PHF21A: variants seen among roughly 807,000 people sequenced by gnomAD.
PHF21A encodes the protein PHD finger protein 21A, also known as BHC80a.
Under a neutral mutation model 82.5 loss-of-function variants are expected in PHF21A, and 11 were observed. That is an observed-to-expected ratio of 0.13 (90% CI 0.08 to 0.22). The LOEUF is 0.22. PHF21A is among the 10% of genes least tolerant of loss of function. The pLI is 1.00. For missense variants in PHF21A, 579 were observed against 837.8 expected, an observed-to-expected ratio of 0.69 and a Z score of 3.81; for synonymous variants, 297 against 302.8, an observed-to-expected ratio of 0.98 and a Z score of 0.20.
chr11:46,099,523 GACACACACACAC>G (rs71038882), intron 1 of PHF21A, among the ~76,000 whole-genome samples: 36 of 137,674 alleles, frequency 2.6e-4, no homozygotes, highest in African/African-American at 8.2e-4. Flanking sequence ...AGAAAAATTA[GACACACACACAC>G]ACACACACAC....
chr11:46,062,769 TA>T (rs908563929), intron 6 of PHF21A, among the ~76,000 whole-genome samples: 1 of 152,200 alleles, frequency 6.6e-6, no homozygotes, highest in Non-Finnish European at 1.5e-5. Flanking sequence ...GGCAGTTTCT[TA>T]AAAAGTTAAA....
chr11:46,041,690 T>C (rs963200082), intron 6 of PHF21A, among the ~76,000 whole-genome samples: 1 of 152,184 alleles, frequency 6.6e-6, no homozygotes, highest in Non-Finnish European at 1.5e-5. Flanking sequence ...TTTTTAAGAC[T>C]TTTTATTTTG....
chr11:46,064,848 T>C (rs942876431), intron 6 of PHF21A, among the ~76,000 whole-genome samples: 2 of 152,366 alleles, frequency 1.3e-5, no homozygotes, highest in African/African-American at 4.8e-5. Flanking sequence ...GATTTACCCT[T>C]CTAATAATGT....
Position 45,971,882 on chromosome 11 carries a change from T to TTTTC in PHF21A, c.361-519_361-516dup, listed in dbSNP as rs796825731. Among the ~76,000 whole-genome samples, 13 of 72,262 alleles carry TTTTC rather than the reference T, an allele frequency of 1.8e-4. 4 individuals carry two copies. Among genetic ancestry groups the TTTTC allele is most frequent in the Admixed American group, 3.3e-4 (2 of 6,092 alleles). 47.4% of individuals were successfully genotyped at this position (72,262 alleles called of 152,430 possible). ...AGGCTGGGGTAAAAGGACAGTGTCTTTTTCTTTCTTTTTTTTTTTTTTTAT... is the reference window on the plus strand; with the variant it reads ...AGGCTGGGGTAAAAGGACAGTGTCTTTTTCTTTCTTTCTTTTTTTTTTTTTTTAT... On this transcript the variant is annotated intron_variant, in intron 7 of 18. Coordinates refer to ENST00000676320, the MANE Select transcript of PHF21A (RefSeq NM_001352027.3).
chr11:45,990,529 G>A (rs567259366), intron 6 of PHF21A, among the ~76,000 whole-genome samples: 2 of 151,960 alleles, frequency 1.3e-5, no homozygotes, highest in Admixed American at 1.3e-4. Flanking sequence ...CAAAGTGCTG[G>A]GATTACAGGT....
intron 9 of PHF21A, 107 bp downstream of exon 9, chr11:45,969,708 G>C (rs1353985241): frequency 1.4e-6 from 1 of 718,882 alleles, no homozygotes; most frequent in Admixed American, 2.4e-5. Context: ...TAGCTAAGCG[G>C]GATAGACAGC....
In PHF21A at chr11:45,953,543, C is replaced by T. The variant is rs772216470; in HGVS notation, c.1079G>A (p.Arg360Gln). The T allele has an allele frequency of 7.4e-6, 12 of 1,612,272 alleles. No individual in the cohort carries two copies. Among genetic ancestry groups the T allele is most frequent in the South Asian group, 5.5e-5 (5 of 91,028 alleles). The change falls in exon 11 of 19, where the codon CGG (arginine) becomes CAG (glutamine). Residue 360 changes from arginine (R) to glutamine (Q), a missense_variant. Physicochemically the swap from Arg to Gln is conservative, Grantham distance 43 (BLOSUM62 1). This residue lies in a region of PHF21A where 410 missense variants were observed against 642.1 expected (regional missense o/e 0.64). Transcript: ENST00000676320. The part of the protein sequence containing the change: ...ITPPAAPKPK[R>Q]EENPQKLAFM... ...TAGGCCTACCTGAGGGTTCTCCTCCCGTTTTGGTTTGGGTGCAGCAGGTGG... is the reference window on the plus strand; with the variant it reads ...TAGGCCTACCTGAGGGTTCTCCTCCTGTTTTGGTTTGGGTGCAGCAGGTGG...
chr11:46,094,344 C>T (rs1565960061), intron 1 of PHF21A, among the ~76,000 whole-genome samples: 1 of 152,098 alleles, frequency 6.6e-6, no homozygotes, highest in Admixed American at 6.6e-5. Context: ...CTGCAGAAAT[C>T]GCATAGAAAA....
At chr11:46,095,655 A>G (rs1220738305) in intron 1 of PHF21A, among the ~76,000 whole-genome samples, 1 of 152,066 alleles carries the variant, frequency 6.6e-6, no homozygotes, top group African/African-American at 2.4e-5. Context: ...TATTTTAAAT[A>G]TTATAAATAA....
intron 6 of PHF21A, among the ~76,000 whole-genome samples, chr11:46,021,046 A>G (rs2095619462): frequency 1.3e-5 from 2 of 151,238 alleles, no homozygotes; most frequent in Admixed American, 1.3e-4. Context: ...GGAAGGGACC[A>G]TTAGATAGAT....
intron 6 of PHF21A, among the ~76,000 whole-genome samples, chr11:45,997,414 T>G (rs1372237178): frequency 6.6e-6 from 1 of 152,234 alleles, no homozygotes; most frequent in African/African-American, 2.4e-5. Context: ...ACTATTTTCT[T>G]GCTGCACGTT....
At chr11:45,942,655 G>C (rs936197031) in intron 15 of PHF21A, among the ~76,000 whole-genome samples, 5 of 152,142 alleles carry the variant, frequency 3.3e-5, no homozygotes, top group Non-Finnish European at 7.4e-5. Context: ...GTCTAAGGAA[G>C]GAAACAAGGA....
chr11:45,933,684 T>C lies in PHF21A; in HGVS notation c.*284A>G, dbSNP rs903549575. On this transcript the variant is annotated 3_prime_UTR_variant, in exon 19 of 19. Coordinates refer to ENST00000676320, the MANE Select transcript of PHF21A (RefSeq NM_001352027.3). ...GCTGCAGGCACACACTGGTGTATAATAGAGAGAGTAAATATATTATTTCAC... is the reference window on the plus strand; with the variant it reads ...GCTGCAGGCACACACTGGTGTATAACAGAGAGAGTAAATATATTATTTCAC... 1 of 307,936 alleles carries C rather than the reference T, an allele frequency of 3.2e-6. No homozygotes were observed. Among genetic ancestry groups the C allele is most frequent in the Non-Finnish European group, 5.9e-6 (1 of 169,218 alleles). 19.1% of individuals were successfully genotyped at this position (307,936 alleles called of 1,614,324 possible).
At chr11:46,015,138 T>C (rs79471312) in intron 6 of PHF21A, among the ~76,000 whole-genome samples, 3,978 of 152,300 alleles carry the variant, frequency 0.026, 134 homozygotes, top group African/African-American at 0.078. Context: ...ACTGCTTGTA[T>C]GTCTCCCTTC....
At chr11:46,117,189 G>A (rs1484405862) in intron 1 of PHF21A, 1 of 152,016 alleles carries the variant, frequency 6.6e-6, no homozygotes, top group Non-Finnish European at 1.5e-5. Context: ...ACAGTATTTT[G>A]CCTACAAAAT....
intron 1 of PHF21A, among the ~76,000 whole-genome samples, chr11:46,096,235 T>C (rs1383019168): frequency 6.6e-6 from 1 of 151,800 alleles, no homozygotes; most frequent in East Asian, 1.9e-4. Context: ...GCATCAATTT[T>C]CCCCTCATCA....
At chr11:45,936,368 A>G in intron 17 of PHF21A, 126 bp downstream of exon 17, 1 of 609,572 alleles carries the variant, frequency 1.6e-6, no homozygotes. Context: ...GTTTCCTCCA[A>G]TAGTTAAGGG....
At chr11:46,024,984 C>G (rs952912975) in intron 6 of PHF21A, among the ~76,000 whole-genome samples, 1 of 152,160 alleles carries the variant, frequency 6.6e-6, no homozygotes, top group Non-Finnish European at 1.5e-5. Context: ...GGAAGCTACT[C>G]AAGATCAGCA....
intron 6 of PHF21A, among the ~76,000 whole-genome samples, chr11:45,987,695 A>AATCATTGTG (rs2094544278): frequency 6.8e-6 from 1 of 147,986 alleles, no homozygotes; most frequent in South Asian, 2.2e-4. Context: ...AAAGCACCTG[A>AATCATTGTG]ATCATTGTGT....
Sources: allele counts gnomAD v4.1 joint callset (sites outside exome capture counted in the v4.1 genomes callset), GRCh38; gene constraint gnomAD v4.1.1; regional missense constraint gnomAD v4.1.1; transcripts MANE v1.5; gene names NCBI Gene and HGNC (gene_info 2026-07-23, HGNC 2026-07-21).